Variants in GLIS3 observed in about 807,000 individuals in gnomAD.
GLIS3 encodes zinc finger protein GLIS3.
Under a neutral mutation model 78.6 loss-of-function variants are expected in GLIS3, and 53 were observed. That is an observed-to-expected ratio of 0.67 (90% confidence interval 0.54 to 0.85). The LOEUF is 0.85. Ranked by LOEUF, GLIS3 falls within the 40% of genes least tolerant of loss-of-function variation. The probability of loss-of-function intolerance (pLI) is 0.00; values close to 1 mark genes in which losing one functional copy is unlikely to be tolerated. For synonymous variants in GLIS3, 684 were observed against 509.9 expected, an observed-to-expected ratio of 1.34 and a Z score of -4.60; for missense variants, 1,703 against 1,231.1, an observed-to-expected ratio of 1.38 and a Z score of -5.74.
intron 2 of GLIS3, among the ~76,000 whole-genome samples, chr9:4,314,732 G>A (rs529509803): frequency 6.6e-6 from 1 of 152,202 alleles, no homozygotes; most frequent in Non-Finnish European, 1.5e-5. Context: ...GCAGAACTGG[G>A]TTTAGATTTC....
chr9:4,488,488 G>A, the GLIS3 span, among the ~76,000 whole-genome samples: 1 of 151,448 alleles, frequency 6.6e-6, no homozygotes, highest in Admixed American at 6.6e-5. Flanking sequence ...TTTTTTTACT[G>A]TGGGACAAAT....
chr9:4,472,013 T>C, the GLIS3 span, among the ~76,000 whole-genome samples: 4 of 152,148 alleles, frequency 2.6e-5, no homozygotes, highest in Admixed American at 6.5e-5. Flanking sequence ...AAAATGCTCA[T>C]CATCACTGGT....
chr9:3,963,008 C>T (rs1817682151), intron 4 of GLIS3, among the ~76,000 whole-genome samples: 1 of 149,326 alleles, frequency 6.7e-6, no homozygotes, highest in Admixed American at 6.7e-5. Flanking sequence ...GTTGCCAGTG[C>T]TAATCAATAA....
At chr9:3,917,197 C>T (rs1175278932) in intron 6 of GLIS3, among the ~76,000 whole-genome samples, 1 of 152,184 alleles carries the variant, frequency 6.6e-6, no homozygotes, top group East Asian at 1.9e-4. Flanking sequence ...TTAACTTAAC[C>T]ATAACAATGT....
rs12683547 is a variant in GLIS3 at position 4,175,853 on chromosome 9, A to G, written c.389-49912T>C. On this transcript the variant is annotated intron_variant, in intron 2 of 10. Transcript: ENST00000381971. ...GGTTCGGTAACCCCATAAAAGAAGT[A>G]TCATCATCCTCATTTGACAGATGAA... 3.7e-4 allele frequency among the ~76,000 whole-genome samples: 57 copies of G among 152,348 alleles called. No individual in the cohort carries two copies. In the East Asian group the frequency reaches 9.8e-3, roughly 26 times the overall value.
At chr9:4,127,700 C>T (rs959260965) in intron 2 of GLIS3, among the ~76,000 whole-genome samples, 1 of 151,868 alleles carries the variant, frequency 6.6e-6, no homozygotes, top group Non-Finnish European at 1.5e-5. Flanking sequence ...TGAATGAATT[C>T]TCTATATGAA....
intron 2 of GLIS3, among the ~76,000 whole-genome samples, chr9:4,197,231 C>T (rs1818947208): frequency 6.6e-6 from 1 of 152,156 alleles, no homozygotes; most frequent in African/African-American, 2.4e-5. Context: ...CTGAGTTGCC[C>T]CACCTTCCCT....
chr9:4,418,133 G>T, the GLIS3 span, among the ~76,000 whole-genome samples: 5 of 152,192 alleles, frequency 3.3e-5, no homozygotes, highest in East Asian at 9.6e-4. Flanking sequence ...TTTTTACTGA[G>T]ACTTAACAGT....
chr9:4,225,108 G>A (rs756711771), intron 2 of GLIS3, among the ~76,000 whole-genome samples: 27 of 151,406 alleles, frequency 1.8e-4, no homozygotes, highest in African/African-American at 5.6e-4. Flanking sequence ...CATTTCTACA[G>A]ATAAGGAAAA....
At chr9:3,881,804 CCT>C (rs1276747886) in intron 7 of GLIS3, among the ~76,000 whole-genome samples, 1 of 152,118 alleles carries the variant, frequency 6.6e-6, no homozygotes, top group Non-Finnish European at 1.5e-5. Flanking sequence ...AGGGAGCAGA[CCT>C]CTATATATCG....
At chr9:4,400,134 A>G in the GLIS3 span, among the ~76,000 whole-genome samples, 4 of 152,168 alleles carry the variant, frequency 2.6e-5, no homozygotes, top group African/African-American at 9.7e-5. Context: ...CACAGGAGGT[A>G]CATGTGTATT....
the GLIS3 span, among the ~76,000 whole-genome samples, chr9:4,483,157 T>C: frequency 1.3e-5 from 2 of 152,162 alleles, no homozygotes; most frequent in Non-Finnish European, 2.9e-5. Flanking sequence ...TTAGTATCAC[T>C]AGACATCCCC....
chr9:4,350,583 T>G (rs1045212602), upstream of GLIS3, among the ~76,000 whole-genome samples: 3 of 152,206 alleles, frequency 2.0e-5, no homozygotes, highest in African/African-American at 7.2e-5. Context: ...CTTTATTATC[T>G]CTATTTTGGG....
intron 4 of GLIS3, among the ~76,000 whole-genome samples, chr9:3,981,683 G>C (rs1355324298): frequency 6.6e-6 from 1 of 152,176 alleles, no homozygotes; most frequent in Non-Finnish European, 1.5e-5. Flanking sequence ...AGATGATAAA[G>C]CCTTTTCAAA....
intron 2 of GLIS3, among the ~76,000 whole-genome samples, chr9:4,341,032 G>C (rs1054457167): frequency 1.3e-5 from 2 of 152,176 alleles, no homozygotes; most frequent in Admixed American, 6.5e-5. Context: ...TGACATCCTT[G>C]AATAGCCTCT....
At chr9:3,948,083 T>C (rs931626125) in intron 4 of GLIS3, among the ~76,000 whole-genome samples, 2 of 152,190 alleles carry the variant, frequency 1.3e-5, no homozygotes, top group East Asian at 3.9e-4. Flanking sequence ...CGTCCTAGGA[T>C]TGACAATCTT....
intron 8 of GLIS3, among the ~76,000 whole-genome samples, chr9:3,858,978 A>T (rs939853222): frequency 6.6e-6 from 1 of 152,264 alleles, no homozygotes; most frequent in Non-Finnish European, 1.5e-5. Context: ...TTATAAAGTT[A>T]GTTACTTGTT....
intron 2 of GLIS3, among the ~76,000 whole-genome samples, chr9:4,159,789 A>G (rs1281044275): frequency 6.6e-6 from 1 of 152,178 alleles, no homozygotes; most frequent in African/African-American, 2.4e-5. Flanking sequence ...TGGCCCACAT[A>G]GTTCCACAGA....
In GLIS3 at chr9:4,025,548, T is replaced by C. The variant is rs906451110; in HGVS notation, c.1711-88359A>G. 8.7e-4 allele frequency among the ~76,000 whole-genome samples: 133 copies of C among 152,034 alleles called. 3 individuals carry two copies. The highest frequency in any genetic ancestry group is 2.5e-4 in the Non-Finnish European group (17 of 68,004). On this transcript the variant is annotated intron_variant, in intron 4 of 10. Coordinates refer to ENST00000381971, the MANE Select transcript of GLIS3 (RefSeq NM_001042413.2). ...GATTACAGGCACCCACCACCATGCC[T>C]GGCTAATTTTTGTATTTTTAGTAGA...
Sources: allele counts gnomAD v4.1 joint callset (sites outside exome capture counted in the v4.1 genomes callset), GRCh38; gene constraint gnomAD v4.1.1; transcripts MANE v1.5; gene names NCBI Gene and HGNC (gene_info 2026-07-23, HGNC 2026-07-21).